Variants in PARN observed in about 807,000 individuals in gnomAD.
PARN encodes the protein poly(A)-specific ribonuclease PARN.
PARN carries 71 observed loss-of-function variants against 102.8 expected under a neutral mutation model. That is an observed-to-expected ratio of 0.69 (90% CI 0.57 to 0.84). The LOEUF is 0.84. PARN is among the 40% of genes least tolerant of loss of function. PARN has a pLI of 0.00. For missense variants in PARN, 782 were observed against 760.9 expected, an observed-to-expected ratio of 1.03 and a Z score of -0.33; for synonymous variants, 261 against 252.9, an observed-to-expected ratio of 1.03 and a Z score of -0.30.
chr16:14,448,046 G>A (rs1961282279), intron 22 of PARN, among the ~76,000 whole-genome samples: 2 of 151,930 alleles, frequency 1.3e-5, no homozygotes, highest in African/African-American at 2.4e-5. Flanking sequence ...GTGCAGTGGA[G>A]TGATCTCGGC....
intron 19 of PARN, among the ~76,000 whole-genome samples, chr16:14,554,926 G>C (rs1238581559): frequency 1.3e-5 from 2 of 152,014 alleles, no homozygotes; most frequent in African/African-American, 4.8e-5. Flanking sequence ...CCCAAACCTA[G>C]AACTTATTTG....
chr16:14,613,301 C>T (rs894146474), intron 6 of PARN, among the ~76,000 whole-genome samples: 4 of 136,828 alleles, frequency 2.9e-5, no homozygotes, highest in Non-Finnish European at 6.3e-5. Flanking sequence ...AAGGGTGAAA[C>T]TCCATCTCAA....
intron 22 of PARN, among the ~76,000 whole-genome samples, chr16:14,459,483 GA>G (rs1644668029): frequency 6.6e-6 from 1 of 152,192 alleles, no homozygotes; most frequent in Admixed American, 6.5e-5. Flanking sequence ...TTTGCATGCT[GA>G]AAACTATAAT....
intron 21 of PARN, among the ~76,000 whole-genome samples, chr16:14,496,088 A>G (rs548580406): frequency 6.6e-6 from 1 of 152,330 alleles, no homozygotes; most frequent in Non-Finnish European, 1.5e-5. Flanking sequence ...ACCACCCCAC[A>G]AAGTGGGTAA....
chr16:14,533,087 T>C (rs1197835402), intron 21 of PARN, among the ~76,000 whole-genome samples: 1 of 151,788 alleles, frequency 6.6e-6, no homozygotes, highest in East Asian at 2.0e-4. Context: ...CGAGCCGAGA[T>C]CACGCCACTG....
intron 11 of PARN, 150 bp from the exon 12 acceptor site, chr16:14,600,110 T>C: frequency 2.0e-6 from 1 of 494,486 alleles, no homozygotes; most frequent in Admixed American, 3.8e-5. Context: ...TCCCAAACAT[T>C]TGCATCTAAA....
chr16:14,556,227 C>T (rs889240213), intron 18 of PARN, among the ~76,000 whole-genome samples: 3 of 151,588 alleles, frequency 2.0e-5, no homozygotes, highest in African/African-American at 4.8e-5. Context: ...GGCACAATCT[C>T]GGCTCACTGC....
intron 21 of PARN, among the ~76,000 whole-genome samples, chr16:14,547,140 G>A (rs952866656): frequency 3.3e-5 from 5 of 151,534 alleles, no homozygotes; most frequent in African/African-American, 9.7e-5. Context: ...ACTACTTTGA[G>A]AAAAATTCTC....
At chr16:14,552,841 G>A (rs982705293) in intron 20 of PARN, among the ~76,000 whole-genome samples, 4 of 151,896 alleles carry the variant, frequency 2.6e-5, no homozygotes, top group African/African-American at 9.7e-5. Context: ...CCAGCTACTC[G>A]CGAGGCTGAG....
intron 21 of PARN, among the ~76,000 whole-genome samples, chr16:14,531,596 G>C (rs1966332566): frequency 6.6e-6 from 1 of 152,132 alleles, no homozygotes; most frequent in Non-Finnish European, 1.5e-5. Context: ...TACATGCAAA[G>C]ACTAACCTTC....
intron 5 of PARN, among the ~76,000 whole-genome samples, chr16:14,618,122 G>A (rs558859297): frequency 7.9e-5 from 12 of 152,204 alleles, no homozygotes; most frequent in Admixed American, 5.9e-4. Context: ...AGAAGTTCGA[G>A]ACCGGCAGGT....
chr16:14,560,798 C>T (rs1374514961), intron 18 of PARN, among the ~76,000 whole-genome samples: 1 of 152,246 alleles, frequency 6.6e-6, no homozygotes. Context: ...GCCACCACCT[C>T]ATCTCCATTA....
chr16:14,620,909 TC>T (rs1442334599), intron 5 of PARN, among the ~76,000 whole-genome samples: 1 of 152,242 alleles, frequency 6.6e-6, no homozygotes, highest in Non-Finnish European at 1.5e-5. Flanking sequence ...GTATCATTTT[TC>T]TTTTCTTTCA....
At chr16:14,602,148 TA>T (rs1283894962) in intron 11 of PARN, 7 of 151,834 alleles carry the variant, frequency 4.6e-5, no homozygotes, top group Non-Finnish European at 8.8e-5. Context: ...AATTATAGTT[TA>T]AAAAACTACT....
chr16:14,451,829 A>G, intron 22 of PARN, among the ~76,000 whole-genome samples: 1 of 127,010 alleles, frequency 7.9e-6, no homozygotes, highest in African/African-American at 2.9e-5. Context: ...GGCAATGTGG[A>G]GAAACCCCGT....
intron 22 of PARN, among the ~76,000 whole-genome samples, chr16:14,476,266 G>A (rs915998704): frequency 6.6e-6 from 1 of 152,046 alleles, no homozygotes; most frequent in Non-Finnish European, 1.5e-5. Flanking sequence ...ATAATCTGCA[G>A]GTAAACAATG....
At chr16:14,469,774 G>C (rs2151582623) in intron 22 of PARN, among the ~76,000 whole-genome samples, 1 of 151,252 alleles carries the variant, frequency 6.6e-6, no homozygotes, top group Admixed American at 6.6e-5. Context: ...TAAAATACAG[G>C]ATTTATACAT....
chr16:14,485,411 G>C (rs966511652), intron 21 of PARN, among the ~76,000 whole-genome samples: 1 of 152,068 alleles, frequency 6.6e-6, no homozygotes, highest in Non-Finnish European at 1.5e-5. Context: ...TTTGTCCCAG[G>C]AACTATGTCA....
chr16:14,474,247 C>G (rs1255058117), intron 22 of PARN, among the ~76,000 whole-genome samples: 2 of 152,150 alleles, frequency 1.3e-5, no homozygotes, highest in African/African-American at 4.8e-5. Flanking sequence ...TCAAGCAATC[C>G]TCCAGCCTTG....
Sources: gnomAD v4.1 joint callset for allele counts (sites outside exome capture counted in the v4.1 genomes callset) on GRCh38, gnomAD v4.1.1 for gene constraint, MANE v1.5 for transcripts, NCBI Gene and HGNC (gene_info 2026-07-23, HGNC 2026-07-21) for gene names.